GSS: variants seen among roughly 807,000 people sequenced by gnomAD.
The protein encoded by GSS is glutathione synthetase, also known as GSH synthetase.
In GSS, 34 loss-of-function variants were observed where a neutral mutation model predicts 60.4. The observed-to-expected ratio is 0.56, with a 90% CI of 0.43 to 0.75. GSS has a LOEUF of 0.75. Among genes scored for constraint, GSS ranks in the 30% least tolerant of loss-of-function variants. The pLI, the probability that GSS is intolerant of heterozygous loss-of-function variation, is 0.00. For missense variants in GSS, 499 were observed against 595.1 expected (o/e 0.84, Z 1.68); for synonymous variants, 224 against 239.0 (o/e 0.94, Z 0.58).
rs2081434339 is a variant in GSS at position 34,935,577 on chromosome 20, T to C, written c.833A>G (p.Gln278Arg). 6.2e-7 allele frequency: 1 copy of C among 1,608,796 alleles called. No individual in the cohort carries two copies. The highest frequency in any genetic ancestry group is 1.3e-5 in the African/African-American group (1 of 74,934). The change falls in exon 9 of 13, where the codon CAG becomes CGG. Residue 278 changes from glutamine to arginine, a missense_variant and splice_region_variant. Physicochemically the swap from Gln to Arg is conservative, Grantham distance 43. Coordinates refer to ENST00000651619, the MANE Select transcript of GSS (RefSeq NM_000178.4). ...DGYMPRQYSL[Q>R]NWEARLLLER... The stretch of plus-strand genomic sequence containing the variant: ...AATGGTCTCACAGAAAATACCAACC[T>C]GTAGACTGTACTGACGAGGCATGTA...
chr20:34,928,971 G>A lies in GSS; in HGVS notation c.1302-20C>T, dbSNP rs780881716. On this transcript the variant is annotated intron_variant, in intron 12 of 12. Coordinates refer to ENST00000651619, the MANE Select transcript of GSS (RefSeq NM_000178.4). ...TCCTGCCTATAGAAATGGAGGCAGG[G>A]GACACACATCACCTGGACTCAGCCC... The A allele has an allele frequency of 2.5e-6, 4 of 1,612,478 alleles. No individual in the cohort carries two copies. The South Asian group carries it at 4.4e-5, about 18-fold the overall frequency.
intron 10 of GSS, 83 bp from the exon 11 acceptor site, chr20:34,931,500 G>T: frequency 9.3e-7 from 1 of 1,081,002 alleles, no homozygotes; most frequent in Non-Finnish European, 1.4e-6. Context: ...ATGCAGAGCA[G>T]CATCAGAGGA....
At position 34,929,497 on chromosome 20, in the gene GSS, T is replaced by C; in HGVS notation, c.1205A>G (p.Glu402Gly). 1.2e-6 allele frequency: 2 copies of C among 1,614,108 alleles called. No homozygotes were observed. The highest frequency in any genetic ancestry group is 2.2e-5 in the South Asian group (2 of 91,088). ...CAGGCAATTCTCAAAAGGCTCAGGT[T>C]CGATCTTCTCCATGAGGATGTAGGA... ...RASYILMEKI[E>G]PEPFENCLLR... The change falls in exon 12 of 13, where the codon GAA (glutamate) becomes GGA (glycine). Residue 402 changes from glutamate to glycine, a missense_variant. Transcript: ENST00000651619.
At position 34,951,776 on chromosome 20, in the gene GSS, G is replaced by A; in HGVS notation, c.77C>T (p.Ala26Val). The change falls in exon 2 of 13, where the codon GCC becomes GTC. Residue 26 changes from alanine to valine, a missense_variant. Transcript: ENST00000651619. ...EELARQAVDRALAEGVLLRTS... is the reference protein window; with the variant it reads ...EELARQAVDRVLAEGVLLRTS... ...CCTCAGCAATACTCCCTCAGCCAGG[G>A]CCCGGTCCACGGCCTGCCGTGCCAG... 1.2e-6 allele frequency: 2 copies of A among 1,613,728 alleles called. No individual in the cohort carries two copies. Among genetic ancestry groups the A allele is most frequent in the African/African-American group, 1.3e-5 (1 of 75,046 alleles).
intron 1 of GSS, among the ~76,000 whole-genome samples, chr20:34,953,863 T>TCC (rs1298621441): frequency 2.0e-5 from 3 of 152,174 alleles, no homozygotes; most frequent in African/African-American, 7.2e-5. Context: ...ACTCTCGGCC[T>TCC]CCCAAAGTGC....
chr20:34,945,935 T>C lies in GSS; in HGVS notation c.275+18A>G. The C allele has an allele frequency of 1.9e-6, 3 of 1,613,594 alleles. No individual in the cohort carries two copies. The highest frequency in any genetic ancestry group is 1.7e-6 in the Non-Finnish European group (2 of 1,179,628). Reference sequence around the variant, plus strand: ...GCTCTGGCAGCTCCTGGCCCCCCAATGCTTCACTGTCCCCTACCTGGAAAG... The same window carrying C: ...GCTCTGGCAGCTCCTGGCCCCCCAACGCTTCACTGTCCCCTACCTGGAAAG... On this transcript the variant is annotated intron_variant, in intron 3 of 12. Transcript: ENST00000651619.
At chr20:34,953,066 CTGAT>C (rs926971777) in intron 1 of GSS, among the ~76,000 whole-genome samples, 10 of 152,222 alleles carry the variant, frequency 6.6e-5, no homozygotes, top group African/African-American at 2.4e-4. Flanking sequence ...GAGAAGTTGT[CTGAT>C]TGGTTGCCCA....
intron 1 of GSS, 146 bp downstream of exon 1, chr20:34,955,574 TCACTAGA>T (rs1241556391): frequency 2.0e-5 from 3 of 152,282 alleles, no homozygotes; most frequent in African/African-American, 7.2e-5. Context: ...CCCAACCCCC[TCACTAGA>T]CACTAGTTGC....
At chr20:34,952,426 G>A (rs1229229187) in intron 1 of GSS, 1 of 160,152 alleles carries the variant, frequency 6.2e-6, no homozygotes, top group African/African-American at 2.4e-5. Flanking sequence ...GGAAGGAGGG[G>A]TTGAGGCTTT....
In GSS at chr20:34,935,607, T is replaced by A; in HGVS notation, c.803A>T (p.Asp268Val). 6.2e-7 allele frequency: 1 copy of A among 1,613,448 alleles called. No homozygotes were observed. Among genetic ancestry groups the A allele is most frequent in the Non-Finnish European group, 8.5e-7 (1 of 1,179,446 alleles). ...ACTGTACTGACGAGGCATGTAGCCA[T>A]CCCGGAAGTAAACCACAGCAATTTC... is the stretch of plus-strand genomic sequence containing the variant. ...GQEIAVVYFR[D>V]GYMPRQYSLQ... Residue 268 changes from aspartate to valine, a missense_variant, in exon 9 of 13, where the codon GAT (aspartate) becomes GTT (valine). Transcript: ENST00000651619.
At position 34,928,961 on chromosome 20, in the gene GSS, T is replaced by C; in HGVS notation, c.1302-10A>G. The C allele has an allele frequency of 6.2e-7, 1 of 1,612,760 alleles. No individual in the cohort carries two copies. On this transcript the variant is annotated splice_polypyrimidine_tract_variant and intron_variant, in intron 12 of 12. Coordinates refer to ENST00000651619, the MANE Select transcript of GSS (RefSeq NM_000178.4). ...GAGTGTCTTTTCCTGCCTATAGAAA[T>C]GGAGGCAGGGGACACACATCACCTG...
At chr20:34,938,748 C>T (rs2081460301) in intron 6 of GSS, among the ~76,000 whole-genome samples, 1 of 152,228 alleles carries the variant, frequency 6.6e-6, no homozygotes, top group South Asian at 2.1e-4. Flanking sequence ...TTTGACCTCT[C>T]CTGCCTTCAG....
chr20:34,941,228 G>A (rs1293457206), intron 6 of GSS, among the ~76,000 whole-genome samples: 6 of 152,044 alleles, frequency 3.9e-5, no homozygotes, highest in African/African-American at 1.4e-4. Context: ...GGCAGCATGC[G>A]CCTGAAATCC....
intron 2 of GSS, among the ~76,000 whole-genome samples, chr20:34,947,024 G>A (rs1462791583): frequency 1.3e-5 from 2 of 152,152 alleles, no homozygotes; most frequent in Non-Finnish European, 2.9e-5. Flanking sequence ...GTTAATATCA[G>A]TTTGTCATTA....
intron 1 of GSS, chr20:34,952,195 T>A: frequency 2.6e-6 from 1 of 382,446 alleles, no homozygotes; most frequent in East Asian, 6.2e-5. Context: ...CCCATGTCTC[T>A]GGACTCCCAG....
chr20:34,933,173 T>C (rs2081415679), intron 9 of GSS, among the ~76,000 whole-genome samples: 1 of 152,154 alleles, frequency 6.6e-6, no homozygotes. Context: ...CTGATGCCCA[T>C]TTCTCTGACC....
At chr20:34,951,680 C>G (rs780527797) in intron 2 of GSS, 44 bp downstream of exon 2, 2 of 1,577,660 alleles carry the variant, frequency 1.3e-6, no homozygotes, top group Non-Finnish European at 1.7e-6. Flanking sequence ...CGGGGCCAGA[C>G]AGTGGGCCAT....
At chr20:34,952,140 G>A (rs951694181) in intron 1 of GSS, 5 of 460,716 alleles carry the variant, frequency 1.1e-5, no homozygotes, top group African/African-American at 9.9e-5. Flanking sequence ...TTGGAGAGGT[G>A]AAATGACTTG....
intron 6 of GSS, among the ~76,000 whole-genome samples, chr20:34,938,505 C>T (rs986343075): frequency 3.3e-5 from 5 of 152,092 alleles, no homozygotes; most frequent in African/African-American, 9.7e-5. Flanking sequence ...GTCATCTTGC[C>T]CTGAGAGAGT....
Sources: allele counts gnomAD v4.1 joint callset (sites outside exome capture counted in the v4.1 genomes callset), GRCh38; gene constraint gnomAD v4.1.1; transcripts MANE v1.5; gene names NCBI Gene and HGNC (gene_info 2026-07-23, HGNC 2026-07-21).